Variants in ST6GALNAC3 observed in about 807,000 individuals in gnomAD.
The protein encoded by ST6GALNAC3 is alpha-N-acetylgalactosaminide alpha-2,6-sialyltransferase 3.
ST6GALNAC3 carries 25 observed loss-of-function variants against 32.7 expected under a neutral mutation model. The observed-to-expected ratio is 0.76, with a 90% CI of 0.56 to 1.07. The LOEUF is 1.07. Among genes scored for constraint, ST6GALNAC3 ranks in the 50% least tolerant of loss-of-function variants. The probability of loss-of-function intolerance (pLI) is 0.00; values close to 1 mark genes in which losing one functional copy is unlikely to be tolerated. For synonymous variants in ST6GALNAC3, 129 were observed against 133.1 expected (o/e 0.97, Z 0.21); for missense variants, 355 against 382.4 (o/e 0.93, Z 0.60).
chr1:76,189,166 T>C (rs971391812), intron 1 of ST6GALNAC3, among the ~76,000 whole-genome samples: 1 of 152,220 alleles, frequency 6.6e-6, no homozygotes, highest in Non-Finnish European at 1.5e-5. Flanking sequence ...CCTTAAGGGA[T>C]CCTGGCCCTG....
At chr1:76,222,238 G>GA (rs1054937482) in intron 1 of ST6GALNAC3, among the ~76,000 whole-genome samples, 3 of 151,930 alleles carry the variant, frequency 2.0e-5, no homozygotes, top group Admixed American at 6.6e-5. Flanking sequence ...CCCTTCCTTA[G>GA]AAAAATCAAC....
chr1:76,534,523 G>A (rs114889911), intron 3 of ST6GALNAC3, among the ~76,000 whole-genome samples: 160 of 152,178 alleles, frequency 1.1e-3, no homozygotes, highest in African/African-American at 3.7e-3. Context: ...ATTATATGCT[G>A]TTTTGTATTT....
intron 1 of ST6GALNAC3, among the ~76,000 whole-genome samples, chr1:76,272,560 C>G (rs189225755): frequency 6.6e-6 from 1 of 152,276 alleles, no homozygotes; most frequent in East Asian, 1.9e-4. Context: ...CATCTGTACT[C>G]GAACCATGAA....
At chr1:76,539,337 C>T (rs113006172) in intron 3 of ST6GALNAC3, among the ~76,000 whole-genome samples, 12,902 of 152,192 alleles carry the variant, frequency 0.085, 638 homozygotes, top group Middle Eastern at 0.19. Flanking sequence ...AACTGGACTC[C>T]TTCGTTACAC....
chr1:76,153,112 T>A (rs900234607), intron 1 of ST6GALNAC3, among the ~76,000 whole-genome samples: 1 of 152,194 alleles, frequency 6.6e-6, no homozygotes. Context: ...CTGGTGTCTC[T>A]TTCCTCAGAT....
intron 2 of ST6GALNAC3, among the ~76,000 whole-genome samples, chr1:76,354,579 GGGTT>G: frequency 6.6e-6 from 1 of 152,270 alleles, no homozygotes; most frequent in East Asian, 1.9e-4. Flanking sequence ...GTTGACTGAT[GGGTT>G]GGTTGGTTGG....
chr1:76,569,075 A>C (rs905463655), intron 3 of ST6GALNAC3, among the ~76,000 whole-genome samples: 2 of 152,132 alleles, frequency 1.3e-5, no homozygotes, highest in African/African-American at 4.8e-5. Context: ...TTTGCAGAAT[A>C]AACATAACTC....
chr1:76,284,307 AG>A (rs1406916440), intron 1 of ST6GALNAC3, among the ~76,000 whole-genome samples: 4 of 152,226 alleles, frequency 2.6e-5, no homozygotes, highest in Non-Finnish European at 4.4e-5. Context: ...ACTGACAAAA[AG>A]GAAAGTTTGA....
At chr1:76,505,610 T>C (rs982653915) in intron 3 of ST6GALNAC3, among the ~76,000 whole-genome samples, 1 of 152,124 alleles carries the variant, frequency 6.6e-6, no homozygotes, top group African/African-American at 2.4e-5. Flanking sequence ...GAATTTTATT[T>C]CCAAAGAAGC....
chr1:76,572,268 C>T (rs961964502), intron 3 of ST6GALNAC3, among the ~76,000 whole-genome samples: 2 of 152,042 alleles, frequency 1.3e-5, no homozygotes, highest in Non-Finnish European at 2.9e-5. Context: ...ATCCTTTCCT[C>T]TTTTCTAATA....
At chr1:76,437,326 C>T (rs1656209507) in intron 3 of ST6GALNAC3, among the ~76,000 whole-genome samples, 4 of 152,070 alleles carry the variant, frequency 2.6e-5, no homozygotes, top group Admixed American at 2.6e-4. Context: ...TCATAGCCCT[C>T]CTATGGAAAC....
At chr1:76,460,227 G>A (rs1658186819) in intron 3 of ST6GALNAC3, among the ~76,000 whole-genome samples, 1 of 152,076 alleles carries the variant, frequency 6.6e-6, no homozygotes, top group African/African-American at 2.4e-5. Context: ...TTTTCCTAAT[G>A]ACTAATGACA....
chr1:76,601,826 G>A (rs997559056), intron 3 of ST6GALNAC3, among the ~76,000 whole-genome samples: 7 of 152,170 alleles, frequency 4.6e-5, no homozygotes, highest in African/African-American at 1.4e-4. Flanking sequence ...CACAGGCAGT[G>A]CTGAACATGA....
intron 3 of ST6GALNAC3, among the ~76,000 whole-genome samples, chr1:76,601,225 A>AAGGAAGGAAGG (rs1553147188): frequency 3.8e-4 from 58 of 152,146 alleles, no homozygotes; most frequent in African/African-American, 1.4e-3. Context: ...AGGAAGGAAG[A>AAGGAAGGAAGG]AAGGAAGGAA....
At chr1:76,080,453 C>T (rs1475972428) in intron 1 of ST6GALNAC3, among the ~76,000 whole-genome samples, 1 of 151,314 alleles carries the variant, frequency 6.6e-6, no homozygotes, top group Non-Finnish European at 1.5e-5. Flanking sequence ...TAGTATGTTT[C>T]TTGTAGGTAG....
chr1:76,631,667 C>T lies in ST6GALNAC3; in HGVS notation c.*2861C>T, dbSNP rs933121648. 6.6e-6 allele frequency: 1 copy of T among 151,916 alleles called. No individual in the cohort carries two copies. The highest frequency in any genetic ancestry group is 1.9e-4 in the East Asian group (1 of 5,188). The allele number at this position is 151,916 out of a possible 1,614,324, so 9.4% of individuals were successfully genotyped here. ...TTACTTATCACTGATGTGTATTTAT[C>T]CCAGAAATTAATTAATATCTGTGAA... On this transcript the variant is annotated 3_prime_UTR_variant, in exon 5 of 5. Transcript: ENST00000328299.
chr1:76,316,596 A>AT (rs1646871280), intron 2 of ST6GALNAC3, among the ~76,000 whole-genome samples: 2 of 152,074 alleles, frequency 1.3e-5, no homozygotes, highest in African/African-American at 2.4e-5. Context: ...GGAAAAAAAA[A>AT]GCAAGGAAAT....
At chr1:76,535,991 C>G (rs954783742) in intron 3 of ST6GALNAC3, among the ~76,000 whole-genome samples, 1 of 152,040 alleles carries the variant, frequency 6.6e-6, no homozygotes, top group African/African-American at 2.4e-5. Flanking sequence ...CTTAATCAAA[C>G]ATCATTTCAG....
intron 1 of ST6GALNAC3, among the ~76,000 whole-genome samples, chr1:76,104,791 T>A (rs1647407718): frequency 6.6e-6 from 1 of 152,164 alleles, no homozygotes; most frequent in Non-Finnish European, 1.5e-5. Context: ...TCCACAGGGC[T>A]GGGGAGGCCT....
Sources: allele counts gnomAD v4.1 joint callset (sites outside exome capture counted in the v4.1 genomes callset), GRCh38; gene constraint gnomAD v4.1.1; transcripts MANE v1.5; gene names NCBI Gene and HGNC (gene_info 2026-07-23, HGNC 2026-07-21).